Variants in AP3B1 observed in about 807,000 individuals in gnomAD.
AP3B1 encodes the protein adaptor related protein complex 3 subunit beta 1.
A neutral mutation model predicts 132.5 loss-of-function variants in AP3B1; 61 were observed. That is an observed-to-expected ratio of 0.46 (90% CI 0.37 to 0.57). The LOEUF is 0.57. Among genes scored for constraint, AP3B1 ranks in the 20% least tolerant of loss-of-function variants. AP3B1 has a pLI of 0.00. For synonymous variants in AP3B1, 388 were observed against 438.3 expected, an observed-to-expected ratio of 0.89 and a Z score of 1.43; for missense variants, 1,120 against 1,289.4, an observed-to-expected ratio of 0.87 and a Z score of 2.01.
At chr5:78,137,321 T>A (rs1053160768) in intron 15 of AP3B1, among the ~76,000 whole-genome samples, 1 of 152,104 alleles carries the variant, frequency 6.6e-6, no homozygotes, top group Non-Finnish European at 1.5e-5. Context: ...TTTCTCTGAA[T>A]CCACCCTGCA....
chr5:78,058,785 C>G (rs186124967), intron 22 of AP3B1, among the ~76,000 whole-genome samples: 1 of 152,160 alleles, frequency 6.6e-6, no homozygotes, highest in African/African-American at 2.4e-5. Context: ...CCCCATGGTA[C>G]AATCAACATC....
Position 78,008,947 on chromosome 5 carries a change from C to T in AP3B1, c.3132-5892G>A, listed in dbSNP as rs188822283. On this transcript the variant is annotated intron_variant, in intron 26 of 26. Transcript: ENST00000255194. Reference sequence around the variant, plus strand: ...AATAGAGAAAGGGAAATATTAGAGACCCCATCAAGAAGTGTCTTTGCCATT... The same window carrying T: ...AATAGAGAAAGGGAAATATTAGAGATCCCATCAAGAAGTGTCTTTGCCATT... Among the ~76,000 whole-genome samples the T allele has an allele frequency of 3.1e-3, 478 of 152,186 alleles. 2 individuals are homozygous for T. The highest frequency in any genetic ancestry group is 0.011 in the African/African-American group (466 of 41,518).
intron 22 of AP3B1, among the ~76,000 whole-genome samples, chr5:78,085,790 A>G (rs1231305536): frequency 2.6e-5 from 4 of 152,188 alleles, no homozygotes; most frequent in Non-Finnish European, 5.9e-5. Flanking sequence ...CCACTGACAG[A>G]TACACAGAGA....
chr5:78,096,911 G>C (rs1750836530), intron 21 of AP3B1, among the ~76,000 whole-genome samples: 1 of 147,472 alleles, frequency 6.8e-6, no homozygotes, highest in Admixed American at 6.7e-5. Context: ...CGCCCGGCCA[G>C]CCGCCCTGTC....
intron 22 of AP3B1, chr5:78,043,631 G>A (rs1010255934): frequency 2.1e-6 from 1 of 482,864 alleles, no homozygotes; most frequent in Non-Finnish European, 4.2e-6. Flanking sequence ...CCTGCCAATG[G>A]GCTCTCCATG....
chr5:78,248,153 C>A (rs1308701029), intron 2 of AP3B1, among the ~76,000 whole-genome samples: 1 of 151,874 alleles, frequency 6.6e-6, no homozygotes, highest in East Asian at 1.9e-4. Flanking sequence ...AAACAGCAAA[C>A]CTTACACAGT....
chr5:78,274,761 A>C (rs1450816670), intron 1 of AP3B1, among the ~76,000 whole-genome samples: 1 of 152,118 alleles, frequency 6.6e-6, no homozygotes, highest in African/African-American at 2.4e-5. Context: ...TCTCTACAAA[A>C]AATATTTTTA....
chr5:78,150,153 C>T (rs780001738), intron 14 of AP3B1, among the ~76,000 whole-genome samples: 3 of 152,098 alleles, frequency 2.0e-5, no homozygotes, highest in Non-Finnish European at 4.4e-5. Flanking sequence ...TATACTCCTC[C>T]CTAAACTACA....
At chr5:78,097,591 G>A (rs1402755763) in intron 21 of AP3B1, among the ~76,000 whole-genome samples, 5 of 133,162 alleles carry the variant, frequency 3.8e-5, no homozygotes, top group South Asian at 2.4e-4. Context: ...CAGCCGCCCC[G>A]TCCGGGAGGG....
At chr5:78,049,660 G>A (rs370909759) in intron 22 of AP3B1, among the ~76,000 whole-genome samples, 7 of 152,196 alleles carry the variant, frequency 4.6e-5, no homozygotes, top group African/African-American at 1.7e-4. Context: ...TGCCACTGTG[G>A]CCAGCCCGGT....
intron 17 of AP3B1, among the ~76,000 whole-genome samples, chr5:78,117,611 A>AT (rs1296428082): frequency 6.6e-6 from 1 of 152,070 alleles, no homozygotes; most frequent in Non-Finnish European, 1.5e-5. Context: ...CGTCCAGCCT[A>AT]TTTTGTTCAA....
intron 22 of AP3B1, among the ~76,000 whole-genome samples, chr5:78,082,086 G>A (rs1750034691): frequency 6.6e-6 from 1 of 152,120 alleles, no homozygotes; most frequent in Non-Finnish European, 1.5e-5. Context: ...GCTTCCTGAG[G>A]ACCTTATGTT....
At chr5:78,254,310 CA>C (rs1463904070) in intron 2 of AP3B1, among the ~76,000 whole-genome samples, 3 of 152,038 alleles carry the variant, frequency 2.0e-5, no homozygotes, top group African/African-American at 7.2e-5. Context: ...GGGATAATAT[CA>C]GAGAACTTCC....
At position 78,020,982 on chromosome 5, in the gene AP3B1, T is replaced by C. The variant is rs183954514; in HGVS notation, c.2895-193A>G. Among the ~76,000 whole-genome samples, 348 of 152,238 alleles carry C rather than the reference T, an allele frequency of 2.3e-3. 1 individual carries two copies. Among genetic ancestry groups the C allele is most frequent in the Non-Finnish European group, 4.3e-3 (291 of 67,958 alleles). Reference sequence around the variant, plus strand: ...ATTACTTGCAGAAAAATACATCTGTTATCTCAATCAAGATTTTTTAAAAAA... The same window carrying C: ...ATTACTTGCAGAAAAATACATCTGTCATCTCAATCAAGATTTTTTAAAAAA... On this transcript the variant is annotated intron_variant, in intron 24 of 26. Transcript: ENST00000255194.
intron 26 of AP3B1, among the ~76,000 whole-genome samples, chr5:78,013,076 C>T (rs934910692): frequency 5.3e-5 from 8 of 152,172 alleles, no homozygotes; most frequent in African/African-American, 1.7e-4. Context: ...CAGGGTCTCA[C>T]TCTGTCACCC....
At chr5:78,133,251 C>G (rs1021405923) in intron 15 of AP3B1, among the ~76,000 whole-genome samples, 5 of 152,184 alleles carry the variant, frequency 3.3e-5, no homozygotes, top group Admixed American at 2.6e-4. Context: ...GAGTATACTT[C>G]ATTTATCAGC....
intron 22 of AP3B1, among the ~76,000 whole-genome samples, chr5:78,062,162 C>T (rs891305559): frequency 2.6e-5 from 4 of 152,142 alleles, no homozygotes. Context: ...TCTCTGATTG[C>T]TATCAACTTT....
At chr5:78,025,479 T>G (rs1747305846) in intron 24 of AP3B1, among the ~76,000 whole-genome samples, 1 of 152,114 alleles carries the variant, frequency 6.6e-6, no homozygotes, top group African/African-American at 2.4e-5. Flanking sequence ...TAGCTAAGAG[T>G]GATCAAGTGA....
chr5:78,096,833 G>C lies in AP3B1; in HGVS notation c.2470+4120C>G, dbSNP rs866543530. Among the ~76,000 whole-genome samples, 21 of 151,368 alleles carry C rather than the reference G, an allele frequency of 1.4e-4. 1 individual carries two copies. Among genetic ancestry groups the C allele is most frequent in the Admixed American group, 2.6e-4 (4 of 15,274 alleles). ...CGCCCGGCAGCCGCCCCGTCCGGGA[G>C]GGAGGGGGGGCTCAGCCCCCGCCAG... On this transcript the variant is annotated intron_variant, in intron 21 of 26. Coordinates refer to ENST00000255194, the MANE Select transcript of AP3B1 (RefSeq NM_003664.5).
Sources: allele counts gnomAD v4.1 joint callset (sites outside exome capture counted in the v4.1 genomes callset), GRCh38; gene constraint gnomAD v4.1.1; transcripts MANE v1.5; gene names NCBI Gene and HGNC (gene_info 2026-07-23, HGNC 2026-07-21).